The following MYT1L variants were observed in gnomAD, a reference collection of about 807,000 sequenced individuals.
MYT1L encodes myelin transcription factor 1 like, also known as myelin transcription factor 1-like protein.
A neutral mutation model predicts 126.7 loss-of-function variants in MYT1L; 12 were observed. That is an observed-to-expected ratio of 0.09 (90% CI 0.06 to 0.15). The LOEUF (loss-of-function observed/expected upper bound fraction) is 0.15, where lower values mean the gene tolerates loss of function less well. MYT1L is among the 10% of genes least tolerant of loss of function. MYT1L has a pLI of 1.00. For missense variants in MYT1L, 979 were observed against 1,585.2 expected (o/e 0.62, Z 6.49); for synonymous variants, 541 against 604.2 (o/e 0.90, Z 1.53).
chr2:1,959,003 T>C (rs1381014305), intron 8 of MYT1L, among the ~76,000 whole-genome samples: 1 of 152,184 alleles, frequency 6.6e-6, no homozygotes, highest in Admixed American at 6.6e-5. Flanking sequence ...TCATAAATTA[T>C]AAAACATCAG....
chr2:2,301,019 A>G (rs75335390), intron 1 of MYT1L, among the ~76,000 whole-genome samples: 1,611 of 152,320 alleles, frequency 0.011, 24 homozygotes, highest in African/African-American at 0.037. Flanking sequence ...GCCTACATTT[A>G]CATGAATCCA....
Position 1,917,055 on chromosome 2 carries a change from T to C in MYT1L, c.1618+150A>G. 1 of 1,047,472 alleles carries C rather than the reference T, an allele frequency of 9.5e-7. No homozygotes were observed. The highest frequency in any genetic ancestry group is 1.4e-6 in the Non-Finnish European group (1 of 728,798). The allele number at this position is 1,047,472 out of a possible 1,614,324, so 64.9% of individuals were successfully genotyped here. A position where few individuals can be genotyped will look rare whatever the true frequency, so the allele number is the denominator to read the frequency against. Reference sequence around the variant, plus strand: ...GTGCCATTGGCATGCCCACGAATCCTGGATCAGTTGCCCATCAAGTTAAGT... The same window carrying C: ...GTGCCATTGGCATGCCCACGAATCCCGGATCAGTTGCCCATCAAGTTAAGT... On this transcript the variant is annotated intron_variant, in intron 11 of 24. Transcript: ENST00000647738. This position sits in a 1 kb window ranked among gnomAD's most constrained non-coding sequence, Gnocchi z 5.9.
intron 2 of MYT1L, among the ~76,000 whole-genome samples, chr2:2,204,413 A>G (rs2148851275): frequency 6.6e-6 from 1 of 151,378 alleles, no homozygotes; most frequent in East Asian, 1.9e-4. Flanking sequence ...ACAAATTTAC[A>G]AGAAAAAAAC....
In MYT1L at chr2:1,848,403, G is replaced by C. The variant is rs570121997; in HGVS notation, c.2774+3238C>G. On this transcript the variant is annotated intron_variant, in intron 19 of 24. Coordinates refer to ENST00000647738, the MANE Select transcript of MYT1L (RefSeq NM_001303052.2). The surrounding 1 kb of genome is among the most constrained non-coding windows in gnomAD (Gnocchi z 4.8). The stretch of plus-strand genomic sequence containing the variant: ...TCCAGACACCACAGGTGCGCGAGGC[G>C]GATCTGTGCTCTGAACAGGTTCAGG... 1.3e-5 allele frequency among the ~76,000 whole-genome samples: 2 copies of C among 151,240 alleles called. No individual in the cohort carries two copies. The highest frequency in any genetic ancestry group is 2.9e-5 in the Non-Finnish European group (2 of 68,006).
chr2:1,823,134 G>A (rs752862186), intron 21 of MYT1L, among the ~76,000 whole-genome samples: 14 of 152,146 alleles, frequency 9.2e-5, no homozygotes, highest in African/African-American at 2.9e-4. Context: ...GCATCGACAC[G>A]TGGGAGGAAA....
chr2:2,251,851 A>G (rs985973999), intron 2 of MYT1L, among the ~76,000 whole-genome samples: 1 of 151,708 alleles, frequency 6.6e-6, no homozygotes, highest in Non-Finnish European at 1.5e-5. Flanking sequence ...GGAAGGAAGG[A>G]AGGGAGGGAG....
intron 1 of MYT1L, chr2:2,304,142 T>C (rs1220865821): frequency 6.6e-6 from 1 of 152,232 alleles, no homozygotes; most frequent in Non-Finnish European, 1.5e-5. Context: ...ATTCACTATT[T>C]AAATTCCAAA....
intron 4 of MYT1L, among the ~76,000 whole-genome samples, chr2:2,019,727 C>T (rs1165391349): frequency 1.3e-5 from 2 of 152,170 alleles, no homozygotes; most frequent in Non-Finnish European, 2.9e-5. Context: ...GCTGCCACAC[C>T]CTTAGTCCTA....
At chr2:2,037,339 G>T (rs978535570) in intron 4 of MYT1L, among the ~76,000 whole-genome samples, 1 of 152,104 alleles carries the variant, frequency 6.6e-6, no homozygotes, top group African/African-American at 2.4e-5. Flanking sequence ...TGGCTGAGAC[G>T]CCCTTTGGGG....
intron 18 of MYT1L, among the ~76,000 whole-genome samples, chr2:1,854,315 T>C (rs2148557097): frequency 6.6e-6 from 1 of 152,264 alleles, no homozygotes; most frequent in South Asian, 2.1e-4. Flanking sequence ...AGTAGGGCTT[T>C]TTTTGAGATT....
intron 2 of MYT1L, among the ~76,000 whole-genome samples, chr2:2,222,144 T>C (rs1405258357): frequency 6.6e-6 from 1 of 152,212 alleles, no homozygotes; most frequent in East Asian, 1.9e-4. Context: ...CTGAAAAATA[T>C]AATATATATT....
At chr2:2,269,671 G>C (rs2095222408) in intron 2 of MYT1L, among the ~76,000 whole-genome samples, 1 of 152,112 alleles carries the variant, frequency 6.6e-6, no homozygotes, top group African/African-American at 2.4e-5. Context: ...GTAGCCCCTG[G>C]ATTTGTGCTC....
intron 4 of MYT1L, among the ~76,000 whole-genome samples, chr2:2,010,054 G>A (rs2063682740): frequency 6.6e-6 from 1 of 152,044 alleles, no homozygotes. Flanking sequence ...GCCTCCCATT[G>A]CATTTTAAAG....
At chr2:1,937,857 C>G (rs983065618) in intron 9 of MYT1L, among the ~76,000 whole-genome samples, 3 of 152,198 alleles carry the variant, frequency 2.0e-5, no homozygotes, top group African/African-American at 7.2e-5. Context: ...AGGCCAGCAG[C>G]CCAGGACACC....
At chr2:2,307,754 C>G (rs13427338) in intron 1 of MYT1L, among the ~76,000 whole-genome samples, 1 of 146,564 alleles carries the variant, frequency 6.8e-6, no homozygotes, top group Non-Finnish European at 1.5e-5. Context: ...TCAGTACTCT[C>G]TCTATATTCC....
intron 18 of MYT1L, among the ~76,000 whole-genome samples, chr2:1,867,218 C>T (rs1434174957): frequency 6.6e-6 from 1 of 152,002 alleles, no homozygotes. Flanking sequence ...GTGAGGGCGC[C>T]TGTCAGGGAG....
chr2:2,045,004 GA>G (rs1158303909), intron 4 of MYT1L, among the ~76,000 whole-genome samples: 1 of 152,174 alleles, frequency 6.6e-6, no homozygotes, highest in Non-Finnish European at 1.5e-5. Flanking sequence ...TGTGAGTTCA[GA>G]ACCCTGTTTA....
rs550410473 is a variant in MYT1L, at chr2:2,309,853, C to T, written c.-521+21114G>A. Among the ~76,000 whole-genome samples, 71 of 150,592 alleles carry T rather than the reference C, an allele frequency of 4.7e-4. 1 individual carries two copies. Among genetic ancestry groups the T allele is most frequent in the Non-Finnish European group, 8.7e-4 (59 of 67,472 alleles). ...TATAGACTCCACCTATGCTTTACTG[C>T]TCTCTACCTATACTCCACCTACACT... On this transcript the variant is annotated intron_variant, in intron 1 of 24. Coordinates refer to ENST00000647738, the MANE Select transcript of MYT1L (RefSeq NM_001303052.2).
At chr2:1,996,766 G>A (rs1199886028) in intron 5 of MYT1L, among the ~76,000 whole-genome samples, 10 of 136,918 alleles carry the variant, frequency 7.3e-5, no homozygotes, top group Non-Finnish European at 4.7e-5. Context: ...AGAACCGAGT[G>A]TAGACGGGCC....
Sources: gnomAD v4.1 joint callset for allele counts (sites outside exome capture counted in the v4.1 genomes callset) on GRCh38, gnomAD v4.1.1 for gene constraint, Gnocchi (gnomAD v3.1) non-coding constraint, MANE v1.5 for transcripts, NCBI Gene and HGNC (gene_info 2026-07-23, HGNC 2026-07-21) for gene names.